Variants in SEL1L3 observed in about 807,000 individuals in gnomAD.
SEL1L3 encodes protein sel-1 homolog 3.
SEL1L3 carries 76 observed loss-of-function variants against 142.8 expected under a neutral mutation model. The ratio of observed to expected loss-of-function variants is 0.53; its 90% CI spans 0.44 to 0.64. The LOEUF (loss-of-function observed/expected upper bound fraction) is 0.64, where lower values mean the gene tolerates loss of function less well. SEL1L3 is among the 30% of genes least tolerant of loss of function. The pLI is 0.00. For missense variants in SEL1L3, 1,262 were observed against 1,381.7 expected (o/e 0.91, Z 1.37); for synonymous variants, 504 against 519.6 (o/e 0.97, Z 0.41).
downstream of SEL1L3, among the ~76,000 whole-genome samples, chr4:25,743,694 G>A (rs1560268107): frequency 6.6e-6 from 1 of 152,212 alleles, no homozygotes; most frequent in Admixed American, 6.5e-5. Flanking sequence ...GAGCCAATCA[G>A]ATACGCATTT....
rs1252580631 is a variant in SEL1L3, at chr4:25,765,398, G to T, written c.2883C>A (p.His961Gln). The change falls in exon 20 of 24, where the codon CAC becomes CAA. Residue 961 changes from histidine (H) to glutamine (Q), a missense_variant. Coordinates refer to ENST00000399878, the MANE Select transcript of SEL1L3 (RefSeq NM_015187.5). Reference sequence around the variant, plus strand: ...ACTCCAGGTCTTGTGACTGGTTTTGGTGGCCATAGTAGTAAAGGTCTCCCA... The same window carrying T: ...ACTCCAGGTCTTGTGACTGGTTTTGTTGGCCATAGTAGTAAAGGTCTCCCA... Reference protein sequence around the residue: ...LKMGDLYYYGHQNQSQDLELS... With the variant: ...LKMGDLYYYGQQNQSQDLELS... 6.2e-7 allele frequency: 1 copy of T among 1,613,704 alleles called. No individual in the cohort carries two copies.
At chr4:25,736,681 G>A in the SEL1L3 span, among the ~76,000 whole-genome samples, 1 of 152,152 alleles carries the variant, frequency 6.6e-6, no homozygotes, top group Non-Finnish European at 1.5e-5. Flanking sequence ...TGTCAATAGT[G>A]TCTTTCAGAT....
chr4:25,821,028 G>A (rs1486799667), intron 7 of SEL1L3, among the ~76,000 whole-genome samples: 2 of 152,166 alleles, frequency 1.3e-5, no homozygotes, highest in Non-Finnish European at 2.9e-5. Flanking sequence ...ACGCTTGGCT[G>A]ATATTAAGCA....
intron 23 of SEL1L3, chr4:25,756,760 CCTCT>C: frequency 8.7e-7 from 1 of 1,154,556 alleles, no homozygotes; most frequent in African/African-American, 1.6e-5. Context: ...TCAGTCCCTC[CCTCT>C]GAGTCCGTGT....
the SEL1L3 span, among the ~76,000 whole-genome samples, chr4:25,721,913 C>G: frequency 0.065 from 9,929 of 152,216 alleles, 521 homozygotes; most frequent in Non-Finnish European, 0.11. Context: ...GCTTTCGAGC[C>G]TTTTTGCCAT....
chr4:25,811,741 T>A (rs987869416), intron 9 of SEL1L3, among the ~76,000 whole-genome samples: 54 of 145,166 alleles, frequency 3.7e-4, no homozygotes, highest in Non-Finnish European at 6.0e-4. Context: ...AGGAGTTTTC[T>A]TTTCCTGTTT....
Position 25,799,034 on chromosome 4 carries a change from T to A in SEL1L3, c.1956+3249A>T, listed in dbSNP as rs151112338. 5.0e-3 allele frequency among the ~76,000 whole-genome samples: 761 copies of A among 152,212 alleles called. 4 individuals are homozygous for A. The highest frequency in any genetic ancestry group is 8.9e-3 in the Non-Finnish European group (603 of 68,016). ...TGCAGATGGCTGTCATCTTTCTGCATCCTCATGTGGTCATCCGTCTGTGTT... is the reference window on the plus strand; with the variant it reads ...TGCAGATGGCTGTCATCTTTCTGCAACCTCATGTGGTCATCCGTCTGTGTT... On this transcript the variant is annotated intron_variant, in intron 11 of 23. Transcript: ENST00000399878.
At chr4:25,822,735 C>A (rs932828851) in intron 6 of SEL1L3, among the ~76,000 whole-genome samples, 1 of 152,128 alleles carries the variant, frequency 6.6e-6, no homozygotes, top group Non-Finnish European at 1.5e-5. Flanking sequence ...GTTGGAGGAC[C>A]ACACTGTCCT....
chr4:25,719,615 T>C, the SEL1L3 span: 3 of 152,150 alleles, frequency 2.0e-5, no homozygotes, highest in East Asian at 3.9e-4. Flanking sequence ...TATTGTTGAA[T>C]TGGTTAAAAA....
At chr4:25,721,291 G>T in the SEL1L3 span, among the ~76,000 whole-genome samples, 5 of 152,002 alleles carry the variant, frequency 3.3e-5, no homozygotes, top group Admixed American at 1.3e-4. Context: ...AGGATATGGT[G>T]CGGATTAACC....
At chr4:25,844,316 G>A (rs1373747813) in intron 2 of SEL1L3, among the ~76,000 whole-genome samples, 1 of 152,196 alleles carries the variant, frequency 6.6e-6, no homozygotes, top group Non-Finnish European at 1.5e-5. Flanking sequence ...TTTTGGAGAA[G>A]GAAGAATGTG....
intron 11 of SEL1L3, among the ~76,000 whole-genome samples, chr4:25,801,285 C>T (rs537500869): frequency 3.3e-5 from 5 of 152,238 alleles, no homozygotes; most frequent in Non-Finnish European, 7.3e-5. Flanking sequence ...CGCCTGTAAT[C>T]CCAGCAACTC....
the SEL1L3 span, among the ~76,000 whole-genome samples, chr4:25,739,635 A>G: frequency 6.6e-6 from 1 of 152,012 alleles, no homozygotes; most frequent in South Asian, 2.1e-4. Context: ...TGAACCCAGG[A>G]TGCAGAGGTT....
At position 25,794,886 on chromosome 4, in the gene SEL1L3, T is replaced by C. The variant is rs139825355; in HGVS notation, c.1957-4312A>G. On this transcript the variant is annotated intron_variant, in intron 11 of 23. Coordinates refer to ENST00000399878, the MANE Select transcript of SEL1L3 (RefSeq NM_015187.5). The stretch of plus-strand genomic sequence containing the variant: ...AATACTATGCAGCCACAAAAAGGAA[T>C]GAGATCATGTCCTCTGAAGGGACAT... 1.3e-3 allele frequency among the ~76,000 whole-genome samples: 199 copies of C among 152,130 alleles called. 1 individual carries two copies. The highest frequency in any genetic ancestry group is 4.4e-3 in the African/African-American group (184 of 41,480).
intron 9 of SEL1L3, among the ~76,000 whole-genome samples, chr4:25,817,025 C>A (rs908450907): frequency 1.1e-4 from 16 of 152,198 alleles, no homozygotes; most frequent in African/African-American, 3.9e-4. Flanking sequence ...TACTATTTTT[C>A]TTTGCTTTCA....
intron 17 of SEL1L3, among the ~76,000 whole-genome samples, chr4:25,768,805 A>G (rs1718946807): frequency 6.6e-6 from 1 of 152,150 alleles, no homozygotes; most frequent in African/African-American, 2.4e-5. Context: ...AAAAATTTCC[A>G]TTCAGTGAAA....
At chr4:25,730,598 T>C in the SEL1L3 span, among the ~76,000 whole-genome samples, 1 of 152,164 alleles carries the variant, frequency 6.6e-6, no homozygotes, top group Non-Finnish European at 1.5e-5. Flanking sequence ...TACCTAGTCG[T>C]TGGGACAGCC....
chr4:25,821,995 C>G lies in SEL1L3; in HGVS notation c.1290+1G>C. 1 of 1,613,158 alleles carries G rather than the reference C, an allele frequency of 6.2e-7. No homozygotes were observed. The highest frequency in any genetic ancestry group is 8.5e-7 in the Non-Finnish European group (1 of 1,179,600). On this transcript the variant is annotated splice_donor_variant, in intron 7 of 23. Coordinates refer to ENST00000399878, the MANE Select transcript of SEL1L3 (RefSeq NM_015187.5). LOFTEE classifies it high-confidence loss of function. The stretch of plus-strand genomic sequence containing the variant: ...CAATCTTCCTGATCCCCTGGACTCA[C>G]CTGGGCGGGGTGCAGACTGCGAAGG...
chr4:25,729,438 G>A, the SEL1L3 span, among the ~76,000 whole-genome samples: 2 of 152,184 alleles, frequency 1.3e-5, no homozygotes, highest in South Asian at 2.1e-4. Context: ...TTTAGGCTGG[G>A]CACGGTGGCT....
Sources: allele counts gnomAD v4.1 joint callset (sites outside exome capture counted in the v4.1 genomes callset), GRCh38; gene constraint gnomAD v4.1.1; transcripts MANE v1.5; gene names NCBI Gene and HGNC (gene_info 2026-07-23, HGNC 2026-07-21).